Variants in IL6R observed in about 807,000 individuals in gnomAD.
The protein encoded by IL6R is interleukin 6 receptor.
In IL6R, 38 loss-of-function variants were observed where a neutral mutation model predicts 48.3. The observed-to-expected ratio is 0.79, with a 90% CI of 0.61 to 1.03. The LOEUF (loss-of-function observed/expected upper bound fraction) is 1.03. IL6R is among the 50% of genes least tolerant of loss of function. IL6R has a pLI of 0.00. For missense variants in IL6R, 534 were observed against 618.3 expected, an observed-to-expected ratio of 0.86 and a Z score of 1.45; for synonymous variants, 264 against 256.2, an observed-to-expected ratio of 1.03 and a Z score of -0.29.
chr1:154,440,497 G>A (rs1689872528), intron 6 of IL6R, among the ~76,000 whole-genome samples: 1 of 152,096 alleles, frequency 6.6e-6, no homozygotes, highest in Non-Finnish European at 1.5e-5. Flanking sequence ...CACAGTGGCT[G>A]CACCATTTTA....
chr1:154,454,616 T>A, intron 9 of IL6R, 35 bp downstream of exon 9: 3 of 1,363,648 alleles, frequency 2.2e-6, no homozygotes, highest in Non-Finnish European at 3.1e-6. Flanking sequence ...CCTGTGGTGT[T>A]CTCATATTTC....
intron 8 of IL6R, among the ~76,000 whole-genome samples, chr1:154,452,143 C>G (rs1229835250): frequency 1.3e-5 from 2 of 152,174 alleles, no homozygotes; most frequent in Non-Finnish European, 2.9e-5. Flanking sequence ...GGTCTACCAA[C>G]TTCTAGTCTT....
intron 2 of IL6R, 56 bp downstream of exon 2, chr1:154,429,500 G>A (rs969444010): frequency 3.1e-5 from 49 of 1,559,212 alleles, no homozygotes; most frequent in Non-Finnish European, 3.7e-5. Flanking sequence ...GAGGCTTTGT[G>A]CATTCCAGAC....
intron 1 of IL6R, among the ~76,000 whole-genome samples, chr1:154,427,094 A>G (rs1460384089): frequency 4.6e-5 from 7 of 151,942 alleles, no homozygotes. Flanking sequence ...AATTTTTTGT[A>G]TTTTTAGTAG....
intron 6 of IL6R, among the ~76,000 whole-genome samples, chr1:154,438,528 A>G (rs941524041): frequency 3.3e-5 from 5 of 152,198 alleles, no homozygotes; most frequent in African/African-American, 1.2e-4. Flanking sequence ...AAAAAGAATA[A>G]GATACCCATT....
intron 1 of IL6R, among the ~76,000 whole-genome samples, chr1:154,416,743 G>A (rs1570928264): frequency 6.6e-6 from 1 of 152,240 alleles, no homozygotes; most frequent in East Asian, 1.9e-4. Flanking sequence ...ATGCAAGAGT[G>A]GGGACTTTGG....
intron 9 of IL6R, among the ~76,000 whole-genome samples, chr1:154,464,733 C>T (rs1227338475): frequency 4.0e-5 from 6 of 151,876 alleles, no homozygotes; most frequent in East Asian, 2.0e-4. Flanking sequence ...CCGAGGCGGG[C>T]GGATTGCTCG....
intron 6 of IL6R, among the ~76,000 whole-genome samples, chr1:154,443,550 TG>T (rs1335052359): frequency 6.6e-6 from 1 of 152,232 alleles, no homozygotes; most frequent in Non-Finnish European, 1.5e-5. Context: ...CAGGCAGCAT[TG>T]GGTCTAGTTG....
chr1:154,451,062 G>T (rs1690553296), intron 8 of IL6R, among the ~76,000 whole-genome samples: 1 of 152,228 alleles, frequency 6.6e-6, no homozygotes, highest in Non-Finnish European at 1.5e-5. Context: ...ACAAAGACCA[G>T]CATGTGAGAT....
intron 1 of IL6R, among the ~76,000 whole-genome samples, chr1:154,410,636 G>A (rs1301507054): frequency 1.3e-5 from 2 of 152,174 alleles, no homozygotes; most frequent in East Asian, 3.9e-4. Flanking sequence ...CCTGGCAAAG[G>A]CAGAGGCTTT....
intron 9 of IL6R, among the ~76,000 whole-genome samples, chr1:154,460,663 G>A (rs1691201076): frequency 6.6e-6 from 1 of 152,110 alleles, no homozygotes; most frequent in Admixed American, 6.6e-5. Context: ...CATGTGTACA[G>A]CGCCATGAAG....
At chr1:154,422,952 A>G (rs1308600297) in intron 1 of IL6R, among the ~76,000 whole-genome samples, 1 of 152,068 alleles carries the variant, frequency 6.6e-6, no homozygotes, top group African/African-American at 2.4e-5. Context: ...GGGAACAGAA[A>G]AACAGACAGA....
At chr1:154,443,598 T>C (rs1207814223) in intron 6 of IL6R, among the ~76,000 whole-genome samples, 1 of 152,194 alleles carries the variant, frequency 6.6e-6, no homozygotes, top group Admixed American at 6.5e-5. Context: ...CCTGGGGAAG[T>C]ACCTCACTGA....
At chr1:154,406,172 G>A (rs970204294) in intron 1 of IL6R, among the ~76,000 whole-genome samples, 1 of 152,026 alleles carries the variant, frequency 6.6e-6, no homozygotes, top group Non-Finnish European at 1.5e-5. Flanking sequence ...GGTCCACCTC[G>A]CCTGGTCCTC....
rs1418630355 is a variant in IL6R, at chr1:154,434,510, G to A, written c.459-9G>A. The A allele has an allele frequency of 1.2e-6, 2 of 1,610,760 alleles. No homozygotes were observed. Among genetic ancestry groups the A allele is most frequent in the Non-Finnish European group, 1.7e-6 (2 of 1,178,936 alleles). On this transcript the variant is annotated splice_polypyrimidine_tract_variant and intron_variant, in intron 3 of 9. Transcript: ENST00000368485. ...CAGGCAAGCCCTGCCCTTGTTTTGT[G>A]TCTAACAGTCAGAACAGTCCGGCCG...
chr1:154,427,989 C>T (rs771839562), intron 1 of IL6R, among the ~76,000 whole-genome samples: 21 of 152,162 alleles, frequency 1.4e-4, no homozygotes, highest in Non-Finnish European at 2.2e-4. Flanking sequence ...AGATTTATTG[C>T]TACTGCTTGC....
In IL6R at chr1:154,412,913, G is replaced by C. The variant is rs562574910; in HGVS notation, c.85+7199G>C. On this transcript the variant is annotated intron_variant, in intron 1 of 9. Coordinates refer to ENST00000368485, the MANE Select transcript of IL6R (RefSeq NM_000565.4). ...GCTTGACCTGTAGACCCCTGCTCCT[G>C]TGGACTAGGAAATTTAAACAAAGAA... Among the ~76,000 whole-genome samples the C allele has an allele frequency of 4.1e-4, 62 of 150,792 alleles. No individual in the cohort carries two copies. In the East Asian group the frequency reaches 0.011, roughly 27 times the overall value.
At chr1:154,436,427 G>A (rs1295653276) in intron 6 of IL6R, among the ~76,000 whole-genome samples, 3 of 152,204 alleles carry the variant, frequency 2.0e-5, no homozygotes, top group African/African-American at 4.8e-5. Flanking sequence ...GCAGTGAGCC[G>A]AAATCGCGCC....
At chr1:154,416,598 A>G (rs1357815786) in intron 1 of IL6R, among the ~76,000 whole-genome samples, 1 of 152,142 alleles carries the variant, frequency 6.6e-6, no homozygotes, top group Non-Finnish European at 1.5e-5. Context: ...AGATGTGCCC[A>G]GGACACTTCC....
Sources: allele counts gnomAD v4.1 joint callset (sites outside exome capture counted in the v4.1 genomes callset), GRCh38; gene constraint gnomAD v4.1.1; transcripts MANE v1.5; gene names NCBI Gene and HGNC (gene_info 2026-07-23, HGNC 2026-07-21).